The following RNF6 variants were observed in gnomAD, a reference collection of about 807,000 sequenced individuals.
RNF6 encodes E3 ubiquitin-protein ligase RNF6.
Under a neutral mutation model 50.1 loss-of-function variants are expected in RNF6, and 21 were observed. The observed-to-expected ratio is 0.42, with a 90% confidence interval of 0.30 to 0.60. The LOEUF is 0.60. Ranked by LOEUF, RNF6 falls within the 20% of genes least tolerant of loss-of-function variation. The pLI, the probability that RNF6 is intolerant of heterozygous loss-of-function variation, is 0.20. For missense variants in RNF6, 698 were observed against 838.2 expected (o/e 0.83, Z 2.07); for synonymous variants, 255 against 291.8 (o/e 0.87, Z 1.29).
chr13:26,159,415 C>G (rs141032342), intron 5 of RNF6, among the ~76,000 whole-genome samples: 3,999 of 152,050 alleles, frequency 0.026, 189 homozygotes, highest in African/African-American at 0.09. Context: ...ACAAGGTCAG[C>G]AGATCGAGAC....
chr13:26,172,690 C>T lies in RNF6; in HGVS notation n.769-40239G>A, dbSNP rs181049834. Among the ~76,000 whole-genome samples the T allele has an allele frequency of 3.5e-3, 537 of 152,134 alleles. 1 individual carries two copies. Among genetic ancestry groups the T allele is most frequent in the Non-Finnish European group, 4.9e-3 (335 of 67,978 alleles). On this transcript the variant is annotated intron_variant and non_coding_transcript_variant, in intron 5 of 5. Transcript: ENST00000468480. ...TCCCGAGTAGCTGGCACTACAGGTG[C>T]CCGCCACCATGCCCGGCTAATTTTC...
chr13:26,159,240 G>T (rs1227339235), intron 5 of RNF6, among the ~76,000 whole-genome samples: 5 of 152,098 alleles, frequency 3.3e-5, no homozygotes, highest in African/African-American at 1.2e-4. Flanking sequence ...ATTTTAAATA[G>T]AAATATGTCA....
rs539007670 is a variant in RNF6 at position 26,183,786 on chromosome 13, T to C, written n.768+31688A>G. Among the ~76,000 whole-genome samples the C allele has an allele frequency of 2.0e-5, 3 of 151,540 alleles. No homozygotes were observed. In the East Asian group the frequency reaches 5.8e-4, roughly 29 times the overall value. ...TCTGTGCTATACTTTTCACTCATAT[T>C]CTCACAGAAAGTATAGATTACTTTG... On this transcript the variant is annotated intron_variant and non_coding_transcript_variant, in intron 5 of 5. Coordinates refer to the RNF6 transcript ENST00000468480.
chr13:26,137,131 C>A (rs1870685316), intron 5 of RNF6, among the ~76,000 whole-genome samples: 1 of 152,134 alleles, frequency 6.6e-6, no homozygotes, highest in Admixed American at 6.6e-5. Flanking sequence ...TAGAAGACTT[C>A]CCCCTGAAAG....
chr13:26,189,455 T>G (rs1331268432), intron 5 of RNF6, among the ~76,000 whole-genome samples: 1 of 152,246 alleles, frequency 6.6e-6, no homozygotes, highest in African/African-American at 2.4e-5. Context: ...ATTTTTTGTT[T>G]ATGTATATCT....
chr13:26,185,037 C>T (rs532811040), intron 5 of RNF6, among the ~76,000 whole-genome samples: 1 of 152,250 alleles, frequency 6.6e-6, no homozygotes, highest in Admixed American at 6.5e-5. Flanking sequence ...ACTCAGCCAC[C>T]CCAAGCTGTA....
At chr13:26,206,576 G>C (rs1156294829) in intron 5 of RNF6, among the ~76,000 whole-genome samples, 3 of 152,100 alleles carry the variant, frequency 2.0e-5, no homozygotes, top group Admixed American at 2.0e-4. Flanking sequence ...CATTTTCTTG[G>C]ACTCGCCTGG....
chr13:26,203,732 C>T (rs1029632551), intron 5 of RNF6, among the ~76,000 whole-genome samples: 4 of 152,150 alleles, frequency 2.6e-5, no homozygotes, highest in African/African-American at 4.8e-5. Flanking sequence ...GAGGCCCAGG[C>T]GGGCAGATCA....
chr13:26,147,193 C>T (rs1027249295), intron 5 of RNF6, among the ~76,000 whole-genome samples: 1 of 152,172 alleles, frequency 6.6e-6, no homozygotes, highest in African/African-American at 2.4e-5. Flanking sequence ...TCTGCCTGTG[C>T]ATATTAGAAA....
rs746047021 is a variant in RNF6 at position 26,214,740 on chromosome 13, CCTT to C, written c.1139_1141del (p.Glu380del). The C allele has an allele frequency of 5.6e-6, 9 of 1,614,162 alleles. No homozygotes were observed. The East Asian group carries it at 1.3e-4, about 24-fold the overall frequency. ...AGTTGAGGATCTGCTGGATTCTTCT[CCTT>C]CTTCTACTGTTATTCTTGACACAAG... On this transcript the variant is annotated inframe_deletion, in exon 5 of 5. Coordinates refer to ENST00000381588, the MANE Select transcript of RNF6 (RefSeq NM_005977.4).
chr13:26,195,589 C>T (rs1056230127), intron 5 of RNF6, among the ~76,000 whole-genome samples: 1 of 152,166 alleles, frequency 6.6e-6, no homozygotes. Context: ...CAAATTACAC[C>T]TGGGCATATC....
chr13:26,218,912 A>C (rs530246340), intron 3 of RNF6, among the ~76,000 whole-genome samples: 13 of 152,296 alleles, frequency 8.5e-5, no homozygotes, highest in Admixed American at 4.6e-4. Context: ...TTGTCAGTTA[A>C]AAAGAAATTA....
intron 5 of RNF6, among the ~76,000 whole-genome samples, chr13:26,175,092 T>C (rs562224039): frequency 2.0e-4 from 31 of 152,248 alleles, no homozygotes; most frequent in Admixed American, 1.6e-3. Flanking sequence ...TGCCTTTTTA[T>C]TTTCTTGAGA....
intron 5 of RNF6, among the ~76,000 whole-genome samples, chr13:26,188,376 A>G (rs1365001087): frequency 1.3e-5 from 2 of 152,232 alleles, no homozygotes; most frequent in East Asian, 3.8e-4. Context: ...AGGAAGGGCA[A>G]CTGACTCTTG....
chr13:26,141,401 C>T (rs1435725138), intron 5 of RNF6, among the ~76,000 whole-genome samples: 3 of 147,122 alleles, frequency 2.0e-5, no homozygotes, highest in Non-Finnish European at 4.5e-5. Flanking sequence ...GCACTCCAGC[C>T]TGGGCAACAG....
At position 26,194,222 on chromosome 13, in the gene RNF6, C is replaced by T. The variant is rs1336477008; in HGVS notation, n.768+21252G>A. On this transcript the variant is annotated intron_variant and non_coding_transcript_variant, in intron 5 of 5. Transcript: ENST00000468480. ...GTGTGAGCATCAAATTAAATTTTAA[C>T]AGTGGTTATGGTTTAGCCAAGTGAG... Among the ~76,000 whole-genome samples the T allele has an allele frequency of 2.6e-5, 4 of 152,202 alleles. No homozygotes were observed. In the East Asian group the frequency reaches 7.7e-4, roughly 29 times the overall value.
At chr13:26,191,354 C>A (rs1387041901) in intron 5 of RNF6, among the ~76,000 whole-genome samples, 1 of 152,120 alleles carries the variant, frequency 6.6e-6, no homozygotes, top group Non-Finnish European at 1.5e-5. Context: ...AAAAATCACA[C>A]AAAAATCTCC....
intron 5 of RNF6, among the ~76,000 whole-genome samples, chr13:26,154,925 G>A (rs1871827424): frequency 6.6e-6 from 1 of 152,060 alleles, no homozygotes; most frequent in Non-Finnish European, 1.5e-5. Context: ...AGTTACTCAG[G>A]AGGCTGAGGC....
intron 5 of RNF6, among the ~76,000 whole-genome samples, chr13:26,151,324 G>C (rs947935603): frequency 6.6e-6 from 1 of 151,750 alleles, no homozygotes; most frequent in Non-Finnish European, 1.5e-5. Flanking sequence ...GTGCAGTGGT[G>C]CTATCTCAGC....
Sources: gnomAD v4.1 joint callset for allele counts (sites outside exome capture counted in the v4.1 genomes callset) on GRCh38, gnomAD v4.1.1 for gene constraint, MANE v1.5 for transcripts, NCBI Gene and HGNC (gene_info 2026-07-23, HGNC 2026-07-21) for gene names.